HIP1: variants seen among roughly 807,000 people sequenced by gnomAD.
The protein encoded by HIP1 is huntingtin-interacting protein 1.
In HIP1, 65 loss-of-function variants were observed where a neutral mutation model predicts 147.6. That is an observed-to-expected ratio of 0.44 (90% CI 0.36 to 0.54). The LOEUF (loss-of-function observed/expected upper bound fraction) is 0.54. Ranked by LOEUF, HIP1 falls within the 20% of genes least tolerant of loss-of-function variation. The pLI, the probability that HIP1 is intolerant of heterozygous loss-of-function variation, is 0.00. For missense variants in HIP1, 1,061 were observed against 1,299.6 expected, an observed-to-expected ratio of 0.82 and a Z score of 2.82; for synonymous variants, 479 against 504.0, an observed-to-expected ratio of 0.95 and a Z score of 0.67.
intron 13 of HIP1, among the ~76,000 whole-genome samples, chr7:75,560,285 A>G (rs587611144): frequency 6.6e-6 from 1 of 151,754 alleles, no homozygotes; most frequent in South Asian, 2.1e-4. Flanking sequence ...GGGTATCACT[A>G]TCACCTAGAC....
At chr7:75,682,664 A>C (rs1800130187) in intron 1 of HIP1, among the ~76,000 whole-genome samples, 2 of 152,164 alleles carry the variant, frequency 1.3e-5, no homozygotes, top group Non-Finnish European at 2.9e-5. Context: ...CAAGAGTTTT[A>C]GTTGCGTATG....
chr7:75,575,383 C>T (rs1203584530), intron 7 of HIP1, among the ~76,000 whole-genome samples: 1 of 152,098 alleles, frequency 6.6e-6, no homozygotes, highest in Non-Finnish European at 1.5e-5. Context: ...TCGCTTGAGC[C>T]TGGAAGGTGG....
chr7:75,672,521 T>C (rs1554515446), intron 1 of HIP1, among the ~76,000 whole-genome samples: 1 of 152,000 alleles, frequency 6.6e-6, no homozygotes, highest in Admixed American at 6.6e-5. Flanking sequence ...AGAGATGGGG[T>C]TTCACCAAGT....
At chr7:75,609,877 C>T (rs1797363456) in intron 1 of HIP1, among the ~76,000 whole-genome samples, 1 of 149,886 alleles carries the variant, frequency 6.7e-6, no homozygotes, top group Non-Finnish European at 1.5e-5. Flanking sequence ...ATTTTTCTCT[C>T]TTCCTTCTTT....
chr7:75,710,397 G>C lies in HIP1; in HGVS notation c.120+28404C>G, dbSNP rs546935282. Among the ~76,000 whole-genome samples, 12 of 152,106 alleles carry C rather than the reference G, an allele frequency of 7.9e-5. No homozygotes were observed. The South Asian group carries it at 2.5e-3, about 32-fold the overall frequency. On this transcript the variant is annotated intron_variant, in intron 1 of 30. Coordinates refer to ENST00000336926, the MANE Select transcript of HIP1 (RefSeq NM_005338.7). ...GGTGTATAATTTTTTTTAATATGCT[G>C]CTTAATTTGGTATACTAATATTTTA...
intron 1 of HIP1, among the ~76,000 whole-genome samples, chr7:75,619,419 G>A (rs376353191): frequency 6.6e-6 from 1 of 151,168 alleles, no homozygotes; most frequent in Non-Finnish European, 1.5e-5. Context: ...CCAGCTACTC[G>A]GGAGTCTGAG....
chr7:75,706,473 C>CTTTTTTTTTTTTTTTTTTTTTT (rs139655610), intron 1 of HIP1, among the ~76,000 whole-genome samples: 1 of 138,070 alleles, frequency 7.2e-6, no homozygotes, highest in Non-Finnish European at 1.5e-5. Flanking sequence ...TATATATCTT[C>CTTTTTTTTTTTTTTTTTTTTTT]TTTTTTTTTA....
chr7:75,664,168 A>G lies in HIP1; in HGVS notation c.121-64921T>C, dbSNP rs1799451980. On this transcript the variant is annotated intron_variant, in intron 1 of 30. Transcript: ENST00000336926. ...CATACATGTATGTGTGTATATTTAC[A>G]TACATATATGTACATACATATATAC... 3.1e-5 allele frequency among the ~76,000 whole-genome samples: 2 copies of G among 65,376 alleles called. 1 individual carries two copies. Among genetic ancestry groups the G allele is most frequent in the Admixed American group, 2.5e-4 (2 of 7,928 alleles). The allele number at this position is 65,376 out of a possible 152,430, so 42.9% of individuals were successfully genotyped here. A position where few individuals can be genotyped will look rare whatever the true frequency, so the allele number is the denominator to read the frequency against.
intron 2 of HIP1, among the ~76,000 whole-genome samples, chr7:75,595,351 A>AT (rs1308351570): frequency 1.5e-4 from 13 of 88,192 alleles, no homozygotes; most frequent in Admixed American, 3.4e-4. Flanking sequence ...CTTTCTTTCT[A>AT]TTTTTTTTTT....
intron 1 of HIP1, among the ~76,000 whole-genome samples, chr7:75,635,289 G>T (rs1798384495): frequency 6.6e-6 from 1 of 152,112 alleles, no homozygotes; most frequent in South Asian, 2.1e-4. Context: ...AGGCCTGGGA[G>T]AATTAGCCCC....
chr7:75,622,893 CTATA>C lies in HIP1; in HGVS notation c.121-23650_121-23647del, dbSNP rs1304371288. Among the ~76,000 whole-genome samples the C allele has an allele frequency of 2.8e-3, 337 of 122,144 alleles. 4 individuals are homozygous for C. In the Middle Eastern group the frequency reaches 0.032, roughly 12 times the overall value. 80.1% of individuals were successfully genotyped at this position (122,144 alleles called of 152,430 possible). ...TCTATCTATCTATCTATCTATCTAT[CTATA>C]TATTTTTTAAAGGAAATTGGCTGGG... On this transcript the variant is annotated intron_variant, in intron 1 of 30. Coordinates refer to ENST00000336926, the MANE Select transcript of HIP1 (RefSeq NM_005338.7).
intron 1 of HIP1, among the ~76,000 whole-genome samples, chr7:75,704,947 T>C (rs879985637): frequency 2.0e-5 from 3 of 152,206 alleles, no homozygotes; most frequent in African/African-American, 2.4e-5. Context: ...CCTTATCCCA[T>C]GTTTTAATAC....
chr7:75,708,592 A>G (rs1801071732), intron 1 of HIP1, among the ~76,000 whole-genome samples: 1 of 151,942 alleles, frequency 6.6e-6, no homozygotes, highest in African/African-American at 2.4e-5. Context: ...TCCCAGCACT[A>G]TCTGGTGAAA....
At chr7:75,590,625 A>C (rs1013503037) in intron 4 of HIP1, among the ~76,000 whole-genome samples, 1 of 152,240 alleles carries the variant, frequency 6.6e-6, no homozygotes, top group Non-Finnish European at 1.5e-5. Context: ...AAAAAACAAC[A>C]ACCACAAACC....
At chr7:75,620,882 T>C (rs1797824138) in intron 1 of HIP1, among the ~76,000 whole-genome samples, 3 of 151,770 alleles carry the variant, frequency 2.0e-5, no homozygotes, top group African/African-American at 7.3e-5. Flanking sequence ...CATTATAACC[T>C]CCCAAAGGGT....
In HIP1 at chr7:75,559,740, TC is replaced by T; in HGVS notation, c.1366del (p.Glu456ArgfsTer2). 1 of 657,950 alleles carries T rather than the reference TC, an allele frequency of 1.5e-6. No homozygotes were observed. The highest frequency in any genetic ancestry group is 6.4e-5 in the East Asian group (1 of 15,610). The allele number at this position is 657,950 out of a possible 1,614,324, so 40.8% of individuals were successfully genotyped here. On this transcript the variant is annotated frameshift_variant, in exon 14 of 31. Transcript: ENST00000336926. LOFTEE classifies it high-confidence loss of function. Reference protein sequence around the residue: ...DTEKAQRSLSEIERKAQANEQ... With the variant: ...DTEKAQRSLSXIERKAQANEQ... ...CCCCACCCACCGCTCACTTTCTATC[TC>T]AGACAGGCTCCGCTGAGCCTTCTCG... is the stretch of plus-strand genomic sequence containing the variant.
intron 1 of HIP1, among the ~76,000 whole-genome samples, chr7:75,686,085 AGT>A (rs1250171246): frequency 6.8e-6 from 1 of 146,132 alleles, no homozygotes; most frequent in Non-Finnish European, 1.5e-5. Context: ...TAGTAGAGAG[AGT>A]GTTTTTTGGC....
chr7:75,537,677 G>A lies in HIP1; in HGVS notation c.*495C>T. 8.4e-6 allele frequency: 2 copies of A among 236,848 alleles called. No homozygotes were observed. Among genetic ancestry groups the A allele is most frequent in the Non-Finnish European group, 1.7e-5 (2 of 120,550 alleles). The allele number at this position is 236,848 out of a possible 1,614,324, so 14.7% of individuals were successfully genotyped here. ...AGATCTCAGGGTAGTGTCCTGGTTT[G>A]GAATCCATCAGCCCTCTGATGCTCA... On this transcript the variant is annotated 3_prime_UTR_variant, in exon 31 of 31. Coordinates refer to ENST00000336926, the MANE Select transcript of HIP1 (RefSeq NM_005338.7).
intron 1 of HIP1, among the ~76,000 whole-genome samples, chr7:75,702,450 G>A (rs1274329910): frequency 3.9e-5 from 6 of 152,130 alleles, no homozygotes; most frequent in Non-Finnish European, 8.8e-5. Flanking sequence ...CACCACGTTG[G>A]CCAGGCTGGC....
Sources: allele counts gnomAD v4.1 joint callset (sites outside exome capture counted in the v4.1 genomes callset), GRCh38; gene constraint gnomAD v4.1.1; transcripts MANE v1.5; gene names NCBI Gene and HGNC (gene_info 2026-07-23, HGNC 2026-07-21).